PANK4: variants seen among roughly 807,000 people sequenced by gnomAD.
PANK4 encodes 4'-phosphopantetheine phosphatase.
PANK4 carries 40 observed loss-of-function variants against 87.9 expected under a neutral mutation model. That is an observed-to-expected ratio of 0.46 (90% CI 0.35 to 0.59). The LOEUF is 0.59. Ranked by LOEUF, PANK4 falls within the 20% of genes least tolerant of loss-of-function variation. PANK4 has a pLI of 0.00. For missense variants in PANK4, 926 were observed against 1,072.3 expected, an observed-to-expected ratio of 0.86 and a Z score of 1.90; for synonymous variants, 524 against 467.4, an observed-to-expected ratio of 1.12 and a Z score of -1.56.
chr1:2,520,312 TG>T lies in PANK4; in HGVS notation c.699+9del. ...AGACCCCTGGAAGGTCTCTGGCAGC[TG>T]CCGCATACCTTCGTTTTGGTGAGCA... On this transcript the variant is annotated intron_variant, in intron 5 of 18. Coordinates refer to ENST00000378466, the MANE Select transcript of PANK4 (RefSeq NM_018216.4). The surrounding 1 kb of genome is among the most constrained non-coding windows in gnomAD (Gnocchi z 6.2). 6.2e-7 allele frequency: 1 copy of T among 1,611,524 alleles called. No individual in the cohort carries two copies. Among genetic ancestry groups the T allele is most frequent in the East Asian group, 2.2e-5 (1 of 44,864 alleles).
Position 2,508,728 on chromosome 1 carries a change from G to GT in PANK4, c.*118dup. The GT allele has an allele frequency of 1.5e-6, 1 of 666,268 alleles. No homozygotes were observed. The allele number at this position is 666,268 out of a possible 1,614,324, so 41.3% of individuals were successfully genotyped here. ...TCACACGCATCTGTGCGGCTGGGGT[G>GT]TATGTGCCGCGTCACAGCAGTACCA... On this transcript the variant is annotated 3_prime_UTR_variant, in exon 19 of 19. Transcript: ENST00000378466. The surrounding 1 kb of genome is among the most constrained non-coding windows in gnomAD (Gnocchi z 5.1).
rs573888930 is a variant in PANK4 at position 2,524,359 on chromosome 1, AG to A, written c.124+2104del. Among the ~76,000 whole-genome samples the A allele has an allele frequency of 1.4e-3, 206 of 152,286 alleles. 1 individual carries two copies. The highest frequency in any genetic ancestry group is 4.5e-3 in the African/African-American group (188 of 41,558). ...ACTGTTGACAAGCACTTTGGCTTTG[AG>A]GGTTCCTGGGTTGAAGACACCCCAC... On this transcript the variant is annotated intron_variant, in intron 1 of 18. Coordinates refer to ENST00000378466, the MANE Select transcript of PANK4 (RefSeq NM_018216.4).
At chr1:2,514,504 G>T in intron 10 of PANK4, 38 bp from the exon 11 acceptor site, 2 of 1,448,762 alleles carry the variant, frequency 1.4e-6, no homozygotes, top group Non-Finnish European at 1.9e-6. Context: ...TCAAGCGCTG[G>T]CCCTGCTGCT....
intron 1 of PANK4, among the ~76,000 whole-genome samples, chr1:2,524,836 C>T (rs1441195776): frequency 2.0e-5 from 3 of 152,232 alleles, no homozygotes; most frequent in African/African-American, 4.8e-5. Flanking sequence ...CACGCTCTAC[C>T]GGGCCTCAAG....
At chr1:2,511,791 G>A (rs1166290838) in intron 13 of PANK4, 108 bp from the exon 14 acceptor site, 2 of 717,138 alleles carry the variant, frequency 2.8e-6, no homozygotes, top group Non-Finnish European at 5.0e-6. Context: ...AGAGGCAGCT[G>A]CTCAATGTAA....
intron 1 of PANK4, 109 bp downstream of exon 1, chr1:2,526,355 G>C (rs936757536): frequency 2.6e-5 from 16 of 604,836 alleles, no homozygotes; most frequent in Admixed American, 6.3e-5. Context: ...GGCTGTGCGC[G>C]AGGCCCGCGC....
chr1:2,521,250 C>T lies in PANK4; in HGVS notation c.273G>A (p.Leu91=). The change falls in exon 3 of 19, where the codon CTG becomes CTA. Residue 91 remains leucine (L), a synonymous_variant. Transcript: ENST00000378466. The part of the protein sequence containing the change: ...ISVQEEITAR[L]HFIKFENTYI... Reference sequence around the variant, plus strand: ...AGGTATTCTCAAACTTAATGAAGTGCAGTCGAGCAGTGATCTCTTCTTGAA... The same window carrying T: ...AGGTATTCTCAAACTTAATGAAGTGTAGTCGAGCAGTGATCTCTTCTTGAA... The T allele has an allele frequency of 6.2e-7, 1 of 1,613,884 alleles. No individual in the cohort carries two copies.
chr1:2,511,212 G>T, intron 15 of PANK4, 126 bp downstream of exon 15: 2 of 707,704 alleles, frequency 2.8e-6, no homozygotes, highest in Non-Finnish European at 2.6e-6. Flanking sequence ...TTGGCTCGCA[G>T]GATGGTGAGA....
At chr1:2,518,910 C>T (rs551970254) in intron 7 of PANK4, among the ~76,000 whole-genome samples, 1 of 152,238 alleles carries the variant, frequency 6.6e-6, no homozygotes, top group African/African-American at 2.4e-5. Flanking sequence ...GATCAGCAGG[C>T]CTGCCTGGAG....
At chr1:2,514,160 G>T in intron 11 of PANK4, 71 bp from the exon 12 acceptor site, 1 of 1,370,846 alleles carries the variant, frequency 7.3e-7, no homozygotes, top group Non-Finnish European at 1.0e-6. Context: ...ATCCTCGGCT[G>T]TGCCACGGAC....
Position 2,510,475 on chromosome 1 carries a change from G to T in PANK4, c.1938+203C>A. On this transcript the variant is annotated intron_variant, in intron 16 of 18. Transcript: ENST00000378466. This position sits in a 1 kb window ranked among gnomAD's most constrained non-coding sequence, Gnocchi z 4.9. The stretch of plus-strand genomic sequence containing the variant: ...GCGTCAACCCTGGGCTTCAGCACAT[G>T]GACCCTCAGCCTGAGCCCAGGGGGC... 1.7e-6 allele frequency: 1 copy of T among 602,644 alleles called. No homozygotes were observed. Among genetic ancestry groups the T allele is most frequent in the Non-Finnish European group, 3.0e-6 (1 of 338,724 alleles). 37.3% of individuals were successfully genotyped at this position (602,644 alleles called of 1,614,324 possible).
At chr1:2,514,656 G>C (rs1328452400) in intron 10 of PANK4, among the ~76,000 whole-genome samples, 190 bp from the exon 11 acceptor site, 2 of 139,722 alleles carry the variant, frequency 1.4e-5, no homozygotes, top group East Asian at 4.4e-4. Context: ...GGGGCAGGGT[G>C]GGGGCTAGCT....
At chr1:2,514,756 A>G (rs1202259417) in intron 10 of PANK4, among the ~76,000 whole-genome samples, 1 of 151,824 alleles carries the variant, frequency 6.6e-6, no homozygotes, top group African/African-American at 2.4e-5. Flanking sequence ...GGCAGTTTCT[A>G]CTGGAACAGG....
Position 2,520,068 on chromosome 1 carries a change from T to TGAGGGCC in PANK4, c.700-115_700-114insGGCCCTC. 1 of 1,031,986 alleles carries TGAGGGCC rather than the reference T, an allele frequency of 9.7e-7. No individual in the cohort carries two copies. Among genetic ancestry groups the TGAGGGCC allele is most frequent in the Non-Finnish European group, 1.4e-6 (1 of 722,258 alleles). The allele number at this position is 1,031,986 out of a possible 1,614,324, so 63.9% of individuals were successfully genotyped here. A position where few individuals can be genotyped will look rare whatever the true frequency, so the allele number is the denominator to read the frequency against. On this transcript the variant is annotated intron_variant, in intron 5 of 18. Transcript: ENST00000378466. This position sits in a 1 kb window ranked among gnomAD's most constrained non-coding sequence, Gnocchi z 6.2. ...GCGCGGGCAGGGGGTAAATGGGCCC[T>TGAGGGCC]CATCGCGTGGGACCAAAGGCAGGAG...
chr1:2,519,403 A>G lies in PANK4; in HGVS notation c.854-79T>C. On this transcript the variant is annotated intron_variant, in intron 6 of 18. Coordinates refer to ENST00000378466, the MANE Select transcript of PANK4 (RefSeq NM_018216.4). This position sits in a 1 kb window ranked among gnomAD's most constrained non-coding sequence, Gnocchi z 8.3. ...TGAGAGCGAGCAGGAGGGGAGGGGG[A>G]GAGAGAGCTGAGTGGGAGGGGAGGG... 5.4e-6 allele frequency: 2 copies of G among 369,336 alleles called. No homozygotes were observed. The highest frequency in any genetic ancestry group is 3.9e-6 in the Non-Finnish European group (1 of 255,244). 22.9% of individuals were successfully genotyped at this position (369,336 alleles called of 1,614,324 possible).
chr1:2,515,123 C>A lies in PANK4; in HGVS notation c.1374+439G>T, dbSNP rs1488231537. 2.2e-5 allele frequency: 8 copies of A among 363,104 alleles called. No individual in the cohort carries two copies. The highest frequency in any genetic ancestry group is 1.5e-4 in the East Asian group (2 of 13,734). 22.5% of individuals were successfully genotyped at this position (363,104 alleles called of 1,614,324 possible). The stretch of plus-strand genomic sequence containing the variant: ...GTGGCCCAGGGCCTGGCATTTGCTC[C>A]ACGGGACCAGCCCAGCCTTGGAGAA... On this transcript the variant is annotated intron_variant, in intron 10 of 18. Transcript: ENST00000378466. This position sits in a 1 kb window ranked among gnomAD's most constrained non-coding sequence, Gnocchi z 5.0.
At chr1:2,512,586 T>C (rs1294061186) in intron 13 of PANK4, 1 of 427,040 alleles carries the variant, frequency 2.3e-6, no homozygotes, top group Non-Finnish European at 4.2e-6. Context: ...AACATGAATT[T>C]GGATTCTGAC....
chr1:2,511,225 C>G (rs1643655293), intron 15 of PANK4, 113 bp downstream of exon 15: 2 of 740,534 alleles, frequency 2.7e-6, no homozygotes, highest in Admixed American at 4.0e-5. Context: ...TGGTGAGACT[C>G]TAACAGGAGG....
At chr1:2,513,659 G>A (rs976765846) in intron 12 of PANK4, among the ~76,000 whole-genome samples, 1 of 152,206 alleles carries the variant, frequency 6.6e-6, no homozygotes, top group Non-Finnish European at 1.5e-5. Context: ...AACCACAATC[G>A]CCCACCCTCA....
Sources: allele counts gnomAD v4.1 joint callset (sites outside exome capture counted in the v4.1 genomes callset), GRCh38; gene constraint gnomAD v4.1.1; non-coding constraint Gnocchi (gnomAD v3.1); transcripts MANE v1.5; gene names NCBI Gene and HGNC (gene_info 2026-07-23, HGNC 2026-07-21).